Variants in MMP16 observed in about 807,000 individuals in gnomAD.
MMP16 encodes matrix metallopeptidase 16, also known as matrix metalloproteinase-16.
Under a neutral mutation model 67.8 loss-of-function variants are expected in MMP16, and 12 were observed. The ratio of observed to expected loss-of-function variants is 0.18; its 90% confidence interval spans 0.11 to 0.29. The LOEUF (loss-of-function observed/expected upper bound fraction) is 0.29. Ranked by LOEUF, MMP16 falls within the 10% of genes least tolerant of loss-of-function variation. The pLI, the probability that MMP16 is intolerant of heterozygous loss-of-function variation, is 1.00. For synonymous variants in MMP16, 249 were observed against 255.9 expected (o/e 0.97, Z 0.26); for missense variants, 475 against 765.7 (o/e 0.62, Z 4.48).
chr8:88,048,195 T>C (rs1808222870), intron 8 of MMP16, among the ~76,000 whole-genome samples: 2 of 152,172 alleles, frequency 1.3e-5, no homozygotes, highest in African/African-American at 4.8e-5. Flanking sequence ...ACTGGGAATG[T>C]GAGTATAGAC....
Position 88,041,827 on chromosome 8 carries a change from C to T in MMP16, c.1490-32G>A. On this transcript the variant is annotated intron_variant, in intron 9 of 9. Coordinates refer to ENST00000286614, the MANE Select transcript of MMP16 (RefSeq NM_005941.5). This position sits in a 1 kb window ranked among gnomAD's most constrained non-coding sequence, Gnocchi z 6.0. Reference sequence around the variant, plus strand: ...GGAAAAACATACACACACACAGGTACCACTTATTTGTGACAGTGTATATGT... The same window carrying T: ...GGAAAAACATACACACACACAGGTATCACTTATTTGTGACAGTGTATATGT... The T allele has an allele frequency of 6.7e-7, 1 of 1,489,026 alleles. No individual in the cohort carries two copies. The allele number at this position is 1,489,026 out of a possible 1,614,324, so 92.2% of individuals were successfully genotyped here.
chr8:88,036,132 T>C lies in MMP16; in HGVS notation c.*5329A>G, dbSNP rs1192784214. The C allele has an allele frequency of 6.6e-6, 1 of 151,920 alleles. No individual in the cohort carries two copies. Among genetic ancestry groups the C allele is most frequent in the African/African-American group, 2.4e-5 (1 of 41,428 alleles). The allele number at this position is 151,920 out of a possible 1,614,324, so 9.4% of individuals were successfully genotyped here. A position where few individuals can be genotyped will look rare whatever the true frequency, so the allele number is the denominator to read the frequency against. On this transcript the variant is annotated 3_prime_UTR_variant, in exon 10 of 10. Coordinates refer to ENST00000286614, the MANE Select transcript of MMP16 (RefSeq NM_005941.5). The stretch of plus-strand genomic sequence containing the variant: ...TTCTAACATTATATATCTTTCCAAC[T>C]TGAGGTTACTGAACACCTACCTCTT...
chr8:88,134,287 A>G (rs556074090), intron 4 of MMP16, among the ~76,000 whole-genome samples: 1 of 151,892 alleles, frequency 6.6e-6, no homozygotes, highest in African/African-American at 2.4e-5. Flanking sequence ...TTAGATTATT[A>G]AAAGCATCTT....
rs560391679 is a variant in MMP16, at chr8:88,094,234, C to T, written c.1084-19491G>A. Among the ~76,000 whole-genome samples, 142 of 151,826 alleles carry T rather than the reference C, an allele frequency of 9.4e-4. 3 individuals are homozygous for T. In the South Asian group the frequency reaches 0.028, roughly 30 times the overall value. ...TGATGGTTTCTTCCATATAACCCAA[C>T]AGAATCCTTAACAAGTAAGAGATAA... On this transcript the variant is annotated intron_variant, in intron 6 of 9. Transcript: ENST00000286614.
In MMP16 at chr8:88,041,658, G is replaced by A. The variant is rs1411371571; in HGVS notation, c.1627C>T (p.His543Tyr). The change falls in exon 10 of 10, where the codon CAC becomes TAC. Residue 543 changes from histidine to tyrosine, a missense_variant. By Grantham distance (83) the His-to-Tyr change is moderately conservative. This residue lies in a region of MMP16 where 80 missense variants were observed against 93.4 expected (regional missense o/e 0.86). Coordinates refer to ENST00000286614, the MANE Select transcript of MMP16 (RefSeq NM_005941.5). This position sits in a 1 kb window ranked among gnomAD's most constrained non-coding sequence, Gnocchi z 6.0. ...ATGTCTACATCATCTGGTGGGCTGT[G>A]TCCTTCTTTAACTCTGTCTGTTGGT... ...DGPTDRVKEGHSPPDDVDIVI... is the reference protein window; with the variant it reads ...DGPTDRVKEGYSPPDDVDIVI... 1 of 1,614,082 alleles carries A rather than the reference G, an allele frequency of 6.2e-7. No homozygotes were observed.
chr8:88,077,481 T>G (rs942196143), intron 6 of MMP16, among the ~76,000 whole-genome samples: 2 of 152,176 alleles, frequency 1.3e-5, no homozygotes, highest in Non-Finnish European at 2.9e-5. Context: ...CCTGTTGTAT[T>G]TTCCTTCACT....
rs113226168 is a variant in MMP16 at position 88,141,779 on chromosome 8, C to G, written c.710-22918G>C. 9.2e-3 allele frequency among the ~76,000 whole-genome samples: 1,399 copies of G among 152,252 alleles called. 20 individuals carry two copies. The highest frequency in any genetic ancestry group is 0.032 in the African/African-American group (1,335 of 41,548). On this transcript the variant is annotated intron_variant, in intron 4 of 9. Coordinates refer to ENST00000286614, the MANE Select transcript of MMP16 (RefSeq NM_005941.5). ...TACATATTACTGGTAGGAGTATAAA[C>G]TTGCTCTGCATTTCTGAAAAACAAC...
intron 1 of MMP16, among the ~76,000 whole-genome samples, chr8:88,303,028 G>A (rs1301571517): frequency 1.3e-5 from 2 of 152,168 alleles, no homozygotes; most frequent in African/African-American, 4.8e-5. Context: ...AGATCCCTTC[G>A]TGAGCCCACG....
At chr8:88,289,746 C>T (rs1230062948) in intron 1 of MMP16, among the ~76,000 whole-genome samples, 7 of 150,248 alleles carry the variant, frequency 4.7e-5, no homozygotes, top group Non-Finnish European at 8.9e-5. Flanking sequence ...CTCATATAAT[C>T]TTAAATACCC....
chr8:88,161,742 G>A (rs1808627678), intron 4 of MMP16, among the ~76,000 whole-genome samples: 1 of 151,950 alleles, frequency 6.6e-6, no homozygotes, highest in East Asian at 1.9e-4. Flanking sequence ...AGAGATTCTG[G>A]TATGTTGTGT....
intron 1 of MMP16, among the ~76,000 whole-genome samples, chr8:88,258,070 G>C (rs1224189674): frequency 6.7e-6 from 1 of 149,286 alleles, no homozygotes; most frequent in Non-Finnish European, 1.5e-5. Flanking sequence ...CTTTGAGACA[G>C]AGTCTCGCTC....
At chr8:88,089,471 G>A (rs1346172447) in intron 6 of MMP16, among the ~76,000 whole-genome samples, 1 of 151,906 alleles carries the variant, frequency 6.6e-6, no homozygotes, top group Non-Finnish European at 1.5e-5. Context: ...TGAAGGGAAG[G>A]AATGGCAATT....
At chr8:88,105,333 A>C (rs935892618) in intron 6 of MMP16, among the ~76,000 whole-genome samples, 2 of 151,454 alleles carry the variant, frequency 1.3e-5, no homozygotes, top group Middle Eastern at 3.2e-3. Flanking sequence ...TGGATGAATT[A>C]TCATATATGG....
intron 2 of MMP16, among the ~76,000 whole-genome samples, chr8:88,194,077 A>G (rs1809212951): frequency 6.6e-6 from 1 of 152,004 alleles, no homozygotes; most frequent in Admixed American, 6.6e-5. Flanking sequence ...TATTAAGGCA[A>G]TATTATATGA....
intron 1 of MMP16, among the ~76,000 whole-genome samples, chr8:88,270,973 A>G (rs992661340): frequency 6.6e-6 from 1 of 152,212 alleles, no homozygotes; most frequent in Admixed American, 6.5e-5. Context: ...TTACCTTTGT[A>G]TCTACCCAGA....
Position 88,261,758 on chromosome 8 carries a change from C to T in MMP16, c.133-64452G>A, listed in dbSNP as rs1447761610. Among the ~76,000 whole-genome samples, 12 of 89,598 alleles carry T rather than the reference C, an allele frequency of 1.3e-4. No homozygotes were observed. The Admixed American group carries it at 1.5e-3, about 12-fold the overall frequency. 58.8% of individuals were successfully genotyped at this position (89,598 alleles called of 152,430 possible). ...ATCTATACACATATACATATGCATA[C>T]ATATATGTACATGTACACACACACA... is the stretch of plus-strand genomic sequence containing the variant. On this transcript the variant is annotated intron_variant, in intron 1 of 9. Transcript: ENST00000286614.
chr8:88,237,890 G>A (rs548535035), intron 1 of MMP16, among the ~76,000 whole-genome samples: 3 of 152,204 alleles, frequency 2.0e-5, no homozygotes, highest in South Asian at 2.1e-4. Context: ...ATGGCAATAT[G>A]AGTCACTATA....
intron 1 of MMP16, among the ~76,000 whole-genome samples, chr8:88,287,317 C>G (rs980475036): frequency 6.6e-6 from 1 of 152,148 alleles, no homozygotes; most frequent in African/African-American, 2.4e-5. Context: ...TTCTGTCTGC[C>G]TGGAAAGCTC....
At chr8:88,182,783 A>G (rs1423665170) in intron 3 of MMP16, among the ~76,000 whole-genome samples, 2 of 151,942 alleles carry the variant, frequency 1.3e-5, no homozygotes, top group Non-Finnish European at 1.5e-5. Context: ...CTTCTTCATA[A>G]TTTCCCCAAA....
Sources: gnomAD v4.1 joint callset for allele counts (sites outside exome capture counted in the v4.1 genomes callset) on GRCh38, gnomAD v4.1.1 for gene constraint, gnomAD v4.1.1 regional missense constraint, Gnocchi (gnomAD v3.1) non-coding constraint, MANE v1.5 for transcripts, NCBI Gene and HGNC (gene_info 2026-07-23, HGNC 2026-07-21) for gene names.